Variants in DLGAP2 observed in about 807,000 individuals in gnomAD.
DLGAP2 encodes disks large-associated protein 2.
A neutral mutation model predicts 100.3 loss-of-function variants in DLGAP2; 26 were observed. The observed-to-expected ratio is 0.26, with a 90% CI of 0.19 to 0.36. The LOEUF is 0.36. Ranked by LOEUF, DLGAP2 falls within the 10% of genes least tolerant of loss-of-function variation. The pLI is 1.00. For synonymous variants in DLGAP2, 886 were observed against 630.1 expected, an observed-to-expected ratio of 1.41 and a Z score of -6.08; for missense variants, 1,858 against 1,453.2, an observed-to-expected ratio of 1.28 and a Z score of -4.53.
At chr8:1,559,824 G>C (rs550370302) in intron 5 of DLGAP2, among the ~76,000 whole-genome samples, 1 of 152,188 alleles carries the variant, frequency 6.6e-6, no homozygotes, top group Non-Finnish European at 1.5e-5. Context: ...CCCAGGAACT[G>C]GGTGGCCGGG....
intron 3 of DLGAP2, among the ~76,000 whole-genome samples, chr8:1,384,458 C>T (rs1796170265): frequency 1.3e-5 from 1 of 77,746 alleles, no homozygotes; most frequent in South Asian, 4.9e-4. Context: ...ACAGTTACCC[C>T]GGCCTGTGCC....
chr8:968,213 C>A (rs562155157), intron 2 of DLGAP2, among the ~76,000 whole-genome samples: 2 of 152,150 alleles, frequency 1.3e-5, no homozygotes, highest in South Asian at 4.2e-4. Context: ...CACATGTGGG[C>A]AGTAAAAGGA....
intron 2 of DLGAP2, among the ~76,000 whole-genome samples, chr8:1,193,704 C>G (rs1797689036): frequency 6.6e-6 from 1 of 152,142 alleles, no homozygotes. Flanking sequence ...GTGGCTGGCC[C>G]TCTCTGCACC....
At chr8:743,992 C>G (rs764791084) in intron 1 of DLGAP2, among the ~76,000 whole-genome samples, 1 of 152,252 alleles carries the variant, frequency 6.6e-6, no homozygotes, top group Non-Finnish European at 1.5e-5. Flanking sequence ...AGCAGTTTCT[C>G]AAGTTTCACG....
intron 3 of DLGAP2, among the ~76,000 whole-genome samples, chr8:1,332,360 T>G (rs1210882798): frequency 2.0e-5 from 3 of 152,006 alleles, no homozygotes; most frequent in Non-Finnish European, 4.4e-5. Flanking sequence ...TGTATACATC[T>G]GTGTACACAT....
intron 2 of DLGAP2, among the ~76,000 whole-genome samples, chr8:947,143 A>G (rs1799346693): frequency 6.6e-6 from 1 of 152,152 alleles, no homozygotes; most frequent in Non-Finnish European, 1.5e-5. Flanking sequence ...CTGTCTTTCA[A>G]TTGAACACAG....
chr8:1,376,848 G>C (rs547346342), intron 3 of DLGAP2, among the ~76,000 whole-genome samples: 1 of 152,174 alleles, frequency 6.6e-6, no homozygotes, highest in East Asian at 1.9e-4. Flanking sequence ...GTATTTGGCC[G>C]TGAAAGCGAA....
intron 8 of DLGAP2, among the ~76,000 whole-genome samples, chr8:1,651,452 C>T (rs1476944748): frequency 1.3e-5 from 2 of 152,226 alleles, no homozygotes; most frequent in Non-Finnish European, 2.9e-5. Flanking sequence ...CCTCCCCCAT[C>T]ACCAAGAGAC....
At chr8:819,244 G>C (rs1303812807) in intron 1 of DLGAP2, among the ~76,000 whole-genome samples, 1 of 152,178 alleles carries the variant, frequency 6.6e-6, no homozygotes, top group Non-Finnish European at 1.5e-5. Flanking sequence ...ATGTAGTAAT[G>C]CATAAGATAA....
intron 1 of DLGAP2, among the ~76,000 whole-genome samples, chr8:837,893 GTTT>G (rs972429747): frequency 1.1e-4 from 13 of 113,368 alleles, no homozygotes; most frequent in African/African-American, 3.4e-4. Context: ...GTTGTTTTTT[GTTT>G]TTTTTTTTTT....
At chr8:1,203,398 C>A (rs184793258) in intron 2 of DLGAP2, among the ~76,000 whole-genome samples, 1 of 151,918 alleles carries the variant, frequency 6.6e-6, no homozygotes, top group East Asian at 2.0e-4. Flanking sequence ...GGCCGCCCAC[C>A]CTTCGGTGTT....
chr8:999,802 T>TTAAC (rs1320017886), intron 2 of DLGAP2, among the ~76,000 whole-genome samples: 1 of 152,218 alleles, frequency 6.6e-6, no homozygotes, highest in Non-Finnish European at 1.5e-5. Context: ...TAATACTCAG[T>TTAAC]TGAGTTCCTT....
intron 3 of DLGAP2, among the ~76,000 whole-genome samples, chr8:1,429,139 T>A (rs550759777): frequency 6.6e-6 from 1 of 152,182 alleles, no homozygotes; most frequent in Admixed American, 6.5e-5. Context: ...TTGGATTAGT[T>A]TGAAAAATCC....
chr8:1,136,464 A>T (rs891841017), intron 2 of DLGAP2, among the ~76,000 whole-genome samples: 1 of 152,168 alleles, frequency 6.6e-6, no homozygotes, highest in South Asian at 2.1e-4. Context: ...GCCGGGGTGG[A>T]TGCCCTCCTC....
intron 2 of DLGAP2, among the ~76,000 whole-genome samples, chr8:1,000,014 A>G (rs1352301770): frequency 2.8e-5 from 4 of 144,108 alleles, no homozygotes; most frequent in Non-Finnish European, 4.6e-5. Context: ...TCTAGAGCAG[A>G]CAGATCCGGG....
At chr8:1,558,873 G>A (rs1036299596) in intron 5 of DLGAP2, among the ~76,000 whole-genome samples, 7 of 149,752 alleles carry the variant, frequency 4.7e-5, no homozygotes, top group South Asian at 2.1e-4. Context: ...ACACATATAC[G>A]TACTTTACAC....
chr8:1,278,875 G>C (rs1210897096), intron 3 of DLGAP2, among the ~76,000 whole-genome samples: 1 of 152,168 alleles, frequency 6.6e-6, no homozygotes, highest in Admixed American at 6.5e-5. Flanking sequence ...CGACTTTTTG[G>C]ACAATTTAAT....
At chr8:762,719 G>T (rs1821117307) in intron 1 of DLGAP2, among the ~76,000 whole-genome samples, 1 of 151,836 alleles carries the variant, frequency 6.6e-6, no homozygotes, top group African/African-American at 2.4e-5. Flanking sequence ...GCCCAGGCTG[G>T]AGTGCGGTGG....
chr8:859,122 T>C (rs973138572), intron 1 of DLGAP2, among the ~76,000 whole-genome samples: 1 of 152,002 alleles, frequency 6.6e-6, no homozygotes, highest in Non-Finnish European at 1.5e-5. Context: ...TTCTTTTTTT[T>C]TTTTTTTGAG....
Sources: gnomAD v4.1 joint callset for allele counts (sites outside exome capture counted in the v4.1 genomes callset) on GRCh38, gnomAD v4.1.1 for gene constraint, MANE v1.5 for transcripts, NCBI Gene and HGNC (gene_info 2026-07-23, HGNC 2026-07-21) for gene names.